The following TSGA10 variants were observed in gnomAD, a reference collection of about 807,000 sequenced individuals.
TSGA10 encodes the protein testis specific 10.
Under a neutral mutation model 96.6 loss-of-function variants are expected in TSGA10, and 43 were observed. That is an observed-to-expected ratio of 0.44 (90% confidence interval 0.35 to 0.57). The LOEUF (loss-of-function observed/expected upper bound fraction) is 0.57. Among genes scored for constraint, TSGA10 ranks in the 20% least tolerant of loss-of-function variants. The probability of loss-of-function intolerance (pLI) is 0.01; values close to 1 mark genes in which losing one functional copy is unlikely to be tolerated. For missense variants in TSGA10, 703 were observed against 834.4 expected, an observed-to-expected ratio of 0.84 and a Z score of 1.94; for synonymous variants, 229 against 269.9, an observed-to-expected ratio of 0.85 and a Z score of 1.48.
chr2:99,120,802 A>C (rs1426853455), intron 2 of TSGA10, among the ~76,000 whole-genome samples: 1 of 152,120 alleles, frequency 6.6e-6, no homozygotes, highest in African/African-American at 2.4e-5. Flanking sequence ...GAACTGTTCC[A>C]TTACAACGAG....
At chr2:99,145,102 G>A (rs1203071322) in intron 1 of TSGA10, among the ~76,000 whole-genome samples, 1 of 152,180 alleles carries the variant, frequency 6.6e-6, no homozygotes, top group Non-Finnish European at 1.5e-5. Flanking sequence ...TCCTTCTGGA[G>A]GCTCTAGGGG....
intron 1 of TSGA10, chr2:99,150,447 G>C: frequency 8.4e-7 from 1 of 1,192,728 alleles, no homozygotes; most frequent in East Asian, 2.4e-5. Flanking sequence ...GGAAATTCCT[G>C]CTGCATTCAC....
At chr2:99,103,176 C>T in intron 10 of TSGA10, among the ~76,000 whole-genome samples, 1 of 150,886 alleles carries the variant, frequency 6.6e-6, no homozygotes, top group East Asian at 1.9e-4. Flanking sequence ...TACTATTTTT[C>T]TTTCTTAAGT....
rs1375268918 is a variant in TSGA10, at chr2:99,104,113, A to G, written c.465T>C (p.Asp155=). ...EELECTVHNL[D]DERMEQMSNM... ...TTGACATTTGCTCCATACGTTCATC[A>G]TCAAGCTATACAAGTAGAATGACAA... is the stretch of plus-strand genomic sequence containing the variant. Residue 155 remains aspartate, a synonymous_variant, in exon 10 of 21, where the codon GAT becomes GAC. Coordinates refer to ENST00000393483, the MANE Select transcript of TSGA10 (RefSeq NM_025244.4). 3 of 1,613,570 alleles carry G rather than the reference A, an allele frequency of 1.9e-6. No homozygotes were observed. Among genetic ancestry groups the G allele is most frequent in the Non-Finnish European group, 1.7e-6 (2 of 1,179,944 alleles).
chr2:99,054,187 A>G (rs1031898214), intron 16 of TSGA10, among the ~76,000 whole-genome samples: 1 of 152,192 alleles, frequency 6.6e-6, no homozygotes, highest in Non-Finnish European at 1.5e-5. Flanking sequence ...CATAGAGACC[A>G]ATGGAACAGA....
intron 16 of TSGA10, among the ~76,000 whole-genome samples, chr2:99,047,592 T>C (rs2082925978): frequency 6.6e-6 from 1 of 152,166 alleles, no homozygotes; most frequent in South Asian, 2.1e-4. Context: ...ATAAGAGCTA[T>C]TTATGACAAA....
intron 1 of TSGA10, chr2:99,150,858 G>A (rs1391302908): frequency 1.3e-6 from 2 of 1,514,990 alleles, no homozygotes; most frequent in Non-Finnish European, 1.8e-6. Context: ...TATTACCAAA[G>A]AAACCAAAAA....
At position 99,154,836 on chromosome 2, in the gene TSGA10, C is replaced by T; in HGVS notation, c.-764G>A. 1 of 344,340 alleles carries T rather than the reference C, an allele frequency of 2.9e-6. No homozygotes were observed. Among genetic ancestry groups the T allele is most frequent in the Non-Finnish European group, 5.8e-6 (1 of 173,728 alleles). The allele number at this position is 344,340 out of a possible 1,614,324, so 21.3% of individuals were successfully genotyped here. ...TGGTTCCCGCCCTGAAGGACCCTTACTTAGCACTCCTGCGGGCTGCCGGGA... is the reference window on the plus strand; with the variant it reads ...TGGTTCCCGCCCTGAAGGACCCTTATTTAGCACTCCTGCGGGCTGCCGGGA... On this transcript the variant is annotated 5_prime_UTR_variant, in exon 1 of 21. Transcript: ENST00000393483.
rs770482857 is a variant in TSGA10 at position 99,018,224 on chromosome 2, C to T, written c.2048G>A (p.Arg683Gln). The T allele has an allele frequency of 1.7e-5, 28 of 1,613,740 alleles. No individual in the cohort carries two copies. Among genetic ancestry groups the T allele is most frequent in the Non-Finnish European group, 2.2e-5 (26 of 1,179,982 alleles). Residue 683 changes from arginine (R) to glutamine (Q), a missense_variant, in exon 20 of 21, where the codon CGA (arginine) becomes CAA (glutamine). Transcript: ENST00000393483. ...CTCTTCTAATGATCGATCTAGGCCTCGGTCAGGAGATCGATGGTGAGCACG... is the reference window on the plus strand; with the variant it reads ...CTCTTCTAATGATCGATCTAGGCCTTGGTCAGGAGATCGATGGTGAGCACG... ...PERAHHRSPD[R>Q]GLDRSLEENL...
intron 10 of TSGA10, chr2:99,102,474 G>A (rs545595321): frequency 6.2e-7 from 1 of 1,613,794 alleles, no homozygotes; most frequent in African/African-American, 1.3e-5. Flanking sequence ...GGTAGCCCTT[G>A]CTCTGATTTT....
intron 1 of TSGA10, among the ~76,000 whole-genome samples, chr2:99,135,846 T>C (rs1018680367): frequency 3.9e-5 from 6 of 152,056 alleles, no homozygotes; most frequent in Non-Finnish European, 7.4e-5. Flanking sequence ...CCATCTCTAC[T>C]AAAAATACAC....
chr2:99,053,105 T>TA (rs569710768), intron 16 of TSGA10, among the ~76,000 whole-genome samples: 1,561 of 149,652 alleles, frequency 0.01, 33 homozygotes, highest in Non-Finnish European at 9.7e-3. Context: ...AGTTAAGATT[T>TA]AAAAAAAAAA....
intron 16 of TSGA10, among the ~76,000 whole-genome samples, chr2:99,042,183 CA>C (rs2104230150): frequency 6.6e-6 from 1 of 152,002 alleles, no homozygotes; most frequent in South Asian, 2.1e-4. Flanking sequence ...AGGTTTGAGT[CA>C]CTCGCTTTGT....
In TSGA10 at chr2:99,013,387, C is replaced by T. The variant is rs182096016; in HGVS notation, c.2072+4813G>A. Among the ~76,000 whole-genome samples, 21 of 152,100 alleles carry T rather than the reference C, an allele frequency of 1.4e-4. No individual in the cohort carries two copies. In the East Asian group the frequency reaches 3.7e-3, roughly 27 times the overall value. ...CTTCTCTGTTGCTCAGGCTGGAATG[C>T]TGTGGCGCAATCTCGGCTCACTGCA... On this transcript the variant is annotated intron_variant, in intron 20 of 20. Coordinates refer to ENST00000393483, the MANE Select transcript of TSGA10 (RefSeq NM_025244.4).
At chr2:98,998,299 G>T in intron 20 of TSGA10, 78 bp from the exon 21 acceptor site, 1 of 1,174,028 alleles carries the variant, frequency 8.5e-7, no homozygotes, top group Non-Finnish European at 1.2e-6. Context: ...ATTCTAGTAA[G>T]TGTATCACTT....
chr2:99,074,890 G>A (rs1211133523), intron 12 of TSGA10, among the ~76,000 whole-genome samples: 5 of 151,844 alleles, frequency 3.3e-5, no homozygotes, highest in Non-Finnish European at 7.4e-5. Context: ...CTCGGGTGGC[G>A]AGGGTTGCAG....
At chr2:99,052,955 G>A (rs986074673) in intron 16 of TSGA10, among the ~76,000 whole-genome samples, 2 of 151,912 alleles carry the variant, frequency 1.3e-5, no homozygotes, top group African/African-American at 4.8e-5. Flanking sequence ...TCAGCTACTT[G>A]GGAGGCTGAG....
intron 1 of TSGA10, among the ~76,000 whole-genome samples, chr2:99,135,149 AG>A (rs1276423637): frequency 6.6e-6 from 1 of 152,214 alleles, no homozygotes; most frequent in African/African-American, 2.4e-5. Flanking sequence ...GCCAGCAGGC[AG>A]GAACATTCAA....
intron 1 of TSGA10, among the ~76,000 whole-genome samples, chr2:99,152,389 C>T (rs1055577811): frequency 1.3e-5 from 2 of 152,078 alleles, no homozygotes; most frequent in African/African-American, 4.8e-5. Flanking sequence ...TGTTCTTAAG[C>T]GATCTTCCTG....
Sources: allele counts gnomAD v4.1 joint callset (sites outside exome capture counted in the v4.1 genomes callset), GRCh38; gene constraint gnomAD v4.1.1; transcripts MANE v1.5; gene names NCBI Gene and HGNC (gene_info 2026-07-23, HGNC 2026-07-21).